The following PTPN21 variants were observed in gnomAD, a reference collection of about 807,000 sequenced individuals.
PTPN21 encodes protein tyrosine phosphatase non-receptor type 21.
Under a neutral mutation model 131.8 loss-of-function variants are expected in PTPN21, and 77 were observed. The ratio of observed to expected loss-of-function variants is 0.58; its 90% CI spans 0.49 to 0.71. The LOEUF is 0.71. Among genes scored for constraint, PTPN21 ranks in the 30% least tolerant of loss-of-function variants. The pLI, the probability that PTPN21 is intolerant of heterozygous loss-of-function variation, is 0.00. For missense variants in PTPN21, 1,552 were observed against 1,527.1 expected (o/e 1.02, Z -0.27); for synonymous variants, 715 against 621.3 (o/e 1.15, Z -2.24).
chr14:88,521,575 T>TTTC (rs1489847650), intron 2 of PTPN21, among the ~76,000 whole-genome samples: 3 of 150,946 alleles, frequency 2.0e-5, no homozygotes, highest in Admixed American at 6.6e-5. Context: ...ACTTTTTTTT[T>TTTC]TTTTTTTTGC....
In PTPN21 at chr14:88,503,219, G is replaced by A. The variant is rs372211015; in HGVS notation, c.587+1206C>T. Among the ~76,000 whole-genome samples the A allele has an allele frequency of 1.2e-3, 177 of 151,990 alleles. 4 individuals carry two copies. Among genetic ancestry groups the A allele is most frequent in the African/African-American group, 4.0e-3 (166 of 41,456 alleles). On this transcript the variant is annotated intron_variant, in intron 6 of 18. Coordinates refer to ENST00000556564, the MANE Select transcript of PTPN21 (RefSeq NM_007039.4). The stretch of plus-strand genomic sequence containing the variant: ...CCTGGCTAATTTTTTGTATTTTAGT[G>A]GAGACAGGGTTTCAACATGTTTGCC...
At chr14:88,542,202 T>C (rs112374894) in intron 2 of PTPN21, among the ~76,000 whole-genome samples, 5,692 of 152,328 alleles carry the variant, frequency 0.037, 138 homozygotes, top group South Asian at 0.074. Flanking sequence ...TAACTCATTG[T>C]GAAGATTAAA....
rs780115884 is a variant in PTPN21 at position 88,485,833 on chromosome 14, C to G, written c.942G>C (p.Gln314His). 2 of 1,604,808 alleles carry G rather than the reference C, an allele frequency of 1.2e-6. No individual in the cohort carries two copies. The highest frequency in any genetic ancestry group is 2.7e-5 in the African/African-American group (2 of 74,696). ...TCCTGATTGGGTTCACTGTGACAGT[C>G]TGAGTTTGCCTATAAAATAGGATGA... ...YRLNQCNLQT[Q>H]TVTVNPIRRR... Residue 314 changes from glutamine to histidine, a missense_variant, in exon 11 of 19, where the codon CAG becomes CAC. Coordinates refer to ENST00000556564, the MANE Select transcript of PTPN21 (RefSeq NM_007039.4).
chr14:88,498,539 A>G (rs1030425073), intron 8 of PTPN21, among the ~76,000 whole-genome samples: 12 of 152,228 alleles, frequency 7.9e-5, no homozygotes, highest in African/African-American at 2.9e-4. Flanking sequence ...AATGCCAGAA[A>G]TTGCAGTAGG....
Position 88,517,886 on chromosome 14 carries a change from A to G in PTPN21, c.181-625T>C, listed in dbSNP as rs142842241. Among the ~76,000 whole-genome samples, 267 of 145,870 alleles carry G rather than the reference A, an allele frequency of 1.8e-3. 5 individuals carry two copies. In the East Asian group the frequency reaches 0.047, roughly 25 times the overall value. ...GTGTATATGTGTATATATACTATAT[A>G]TACGTGTATGTGTATATATACACCT... On this transcript the variant is annotated intron_variant, in intron 2 of 18. Transcript: ENST00000556564.
At chr14:88,501,083 GA>G in intron 7 of PTPN21, 197 bp downstream of exon 7, 1 of 655,298 alleles carries the variant, frequency 1.5e-6, no homozygotes. Flanking sequence ...TCTATTTCAA[GA>G]CCATTTCAAA....
Position 88,507,944 on chromosome 14 carries a change from G to C in PTPN21, c.427C>G (p.Leu143Val). The C allele has an allele frequency of 6.2e-7, 1 of 1,603,108 alleles. No homozygotes were observed. The highest frequency in any genetic ancestry group is 8.5e-7 in the Non-Finnish European group (1 of 1,173,410). The change falls in exon 4 of 19, where the codon CTA becomes GTA. Residue 143 changes from leucine (L) to valine (V), a missense_variant. Transcript: ENST00000556564. ...TTACCTTGAACAGCTAAGCCTGCTA[G>C]CTGAATTGCTTGTTCTAAGGTACAA... is the stretch of plus-strand genomic sequence containing the variant. ...IPCTLEQAIQ[L>V]AGLAVQADFG...
At chr14:88,536,098 ACCTGTGGGAAAC>A (rs1200818508) in intron 2 of PTPN21, among the ~76,000 whole-genome samples, 1 of 152,144 alleles carries the variant, frequency 6.6e-6, no homozygotes, top group Non-Finnish European at 1.5e-5. Context: ...AATTGACTTG[ACCTGTGGGAAAC>A]TCATTCCAGC....
chr14:88,542,573 T>C (rs1369612875), intron 2 of PTPN21, among the ~76,000 whole-genome samples: 3 of 152,330 alleles, frequency 2.0e-5, no homozygotes, highest in African/African-American at 4.8e-5. Flanking sequence ...TAAGTCTAGG[T>C]TGAATAATAC....
At position 88,479,099 on chromosome 14, in the gene PTPN21, G is replaced by A. The variant is rs772970504; in HGVS notation, c.2332C>T (p.Arg778Cys). Residue 778 changes from arginine (R) to cysteine (C), a missense_variant, in exon 13 of 19, where the codon CGC (arginine) becomes TGC (cysteine). By Grantham distance (180) the Arg-to-Cys change is radical. This residue lies in a region of PTPN21 where 1,016 missense variants were observed against 883.5 expected (regional missense o/e 1.15). Coordinates refer to ENST00000556564, the MANE Select transcript of PTPN21 (RefSeq NM_007039.4). Reference sequence around the variant, plus strand: ...GGCCGCTGGGCCTCTGCGGTCGTGCGGACGGGGCTGCTGTCCATCATCCTC... The same window carrying A: ...GGCCGCTGGGCCTCTGCGGTCGTGCAGACGGGGCTGCTGTCCATCATCCTC... ...EKRMMDSSPV[R>C]TTAEAQRPWR... 1.9e-5 allele frequency: 30 copies of A among 1,576,198 alleles called. No individual in the cohort carries two copies. In the South Asian group the frequency reaches 2.8e-4, roughly 15 times the overall value.
intron 10 of PTPN21, among the ~76,000 whole-genome samples, chr14:88,492,269 C>T (rs1329925789): frequency 1.3e-5 from 2 of 152,178 alleles, no homozygotes; most frequent in African/African-American, 2.4e-5. Flanking sequence ...TTATCTACTG[C>T]TTGAATCTTA....
At chr14:88,524,739 T>C (rs753160540) in intron 2 of PTPN21, among the ~76,000 whole-genome samples, 1 of 151,570 alleles carries the variant, frequency 6.6e-6, no homozygotes, top group Non-Finnish European at 1.5e-5. Flanking sequence ...ACCCTGTCTT[T>C]ACAAAAAATT....
At chr14:88,483,039 C>G (rs1414782685) in intron 12 of PTPN21, among the ~76,000 whole-genome samples, 1 of 151,692 alleles carries the variant, frequency 6.6e-6, no homozygotes, top group African/African-American at 2.4e-5. Flanking sequence ...GGTGAAACCC[C>G]GTCTCTACTA....
At chr14:88,537,981 T>C (rs2078653786) in intron 2 of PTPN21, among the ~76,000 whole-genome samples, 1 of 152,234 alleles carries the variant, frequency 6.6e-6, no homozygotes, top group Non-Finnish European at 1.5e-5. Context: ...ATTATAATTT[T>C]ATGGGACCAC....
chr14:88,469,677 G>A lies in PTPN21; in HGVS notation c.3057C>T (p.Asn1019=). 1.2e-6 allele frequency: 2 copies of A among 1,614,168 alleles called. No individual in the cohort carries two copies. Among genetic ancestry groups the A allele is most frequent in the South Asian group, 1.1e-5 (1 of 91,080 alleles). ...TCTTAAACCTTCCATAGGTGACAGT[G>A]TTGTGCCTGGAACCAAGTCGTGGCC... is the stretch of plus-strand genomic sequence containing the variant. The part of the protein sequence containing the change: ...RYWPRLGSRH[N]TVTYGRFKIT... The change falls in exon 17 of 19, where the codon AAC becomes AAT. Residue 1019 remains asparagine, a synonymous_variant. Transcript: ENST00000556564. This position sits in a 1 kb window ranked among gnomAD's most constrained non-coding sequence, Gnocchi z 4.3.
intron 8 of PTPN21, among the ~76,000 whole-genome samples, chr14:88,498,129 G>C (rs923689759): frequency 6.7e-5 from 10 of 148,392 alleles, no homozygotes; most frequent in African/African-American, 2.5e-4. Flanking sequence ...ACAAAAACTA[G>C]GCCAGGCGAG....
chr14:88,538,774 G>A (rs1224771756), intron 2 of PTPN21, among the ~76,000 whole-genome samples: 3 of 152,226 alleles, frequency 2.0e-5, no homozygotes, highest in South Asian at 4.1e-4. Context: ...TGTGGTTTCC[G>A]CCATGTAACC....
chr14:88,545,770 G>A (rs903144889), intron 2 of PTPN21, among the ~76,000 whole-genome samples: 3 of 152,052 alleles, frequency 2.0e-5, no homozygotes, highest in African/African-American at 7.2e-5. Context: ...AGACCATCCT[G>A]GCTAACACGG....
chr14:88,546,326 G>C (rs537241272), intron 2 of PTPN21, among the ~76,000 whole-genome samples: 4 of 151,578 alleles, frequency 2.6e-5, no homozygotes, highest in African/African-American at 9.7e-5. Context: ...GGGAGGCCAA[G>C]GTGGACAGAT....
Sources: gnomAD v4.1 joint callset for allele counts (sites outside exome capture counted in the v4.1 genomes callset) on GRCh38, gnomAD v4.1.1 for gene constraint, gnomAD v4.1.1 regional missense constraint, Gnocchi (gnomAD v3.1) non-coding constraint, MANE v1.5 for transcripts, NCBI Gene and HGNC (gene_info 2026-07-23, HGNC 2026-07-21) for gene names.